Variants in ASH2L observed in about 807,000 individuals in gnomAD.
The protein encoded by ASH2L is ASH2 like, histone lysine methyltransferase complex subunit, also known as set1/Ash2 histone methyltransferase complex subunit ASH2.
In ASH2L, 30 loss-of-function variants were observed where a neutral mutation model predicts 81.1. The observed-to-expected ratio is 0.37, with a 90% CI of 0.28 to 0.50. ASH2L has a LOEUF of 0.50. Ranked by LOEUF, ASH2L falls within the 20% of genes least tolerant of loss-of-function variation. The probability of loss-of-function intolerance (pLI) is 0.95; values close to 1 mark genes in which losing one functional copy is unlikely to be tolerated. For synonymous variants in ASH2L, 273 were observed against 279.9 expected, an observed-to-expected ratio of 0.98 and a Z score of 0.24; for missense variants, 559 against 792.1, an observed-to-expected ratio of 0.71 and a Z score of 3.53.
chr8:38,126,130 G>A (rs1219955909), intron 10 of ASH2L, among the ~76,000 whole-genome samples: 1 of 151,792 alleles, frequency 6.6e-6, no homozygotes, highest in African/African-American at 2.4e-5. Flanking sequence ...TTGAACCCGG[G>A]AGCCAGAGGT....
intron 12 of ASH2L, among the ~76,000 whole-genome samples, chr8:38,132,445 T>C (rs900532390): frequency 6.6e-6 from 1 of 152,140 alleles, no homozygotes; most frequent in Admixed American, 6.5e-5. Context: ...AGACCACCTG[T>C]GGGAACAGAT....
At chr8:38,112,595 T>G (rs1204524086) in intron 5 of ASH2L, among the ~76,000 whole-genome samples, 1 of 152,144 alleles carries the variant, frequency 6.6e-6, no homozygotes, top group Non-Finnish European at 1.5e-5. Flanking sequence ...GAATATTACA[T>G]AAGTATTGTG....
rs554599589 is a variant in ASH2L, at chr8:38,109,959, G to A, written c.402-420G>A. ...AACGGATAAGGTCTTATTAACTTTC[G>A]TGACAGAAAAATCCAGGTATTTATA... On this transcript the variant is annotated intron_variant, in intron 3 of 15. Transcript: ENST00000343823. 2.0e-4 allele frequency among the ~76,000 whole-genome samples: 31 copies of A among 152,218 alleles called. No individual in the cohort carries two copies. The East Asian group carries it at 2.3e-3, about 11-fold the overall frequency.
chr8:38,139,339 C>G lies in ASH2L; in HGVS notation c.*268C>G. 1 of 327,058 alleles carries G rather than the reference C, an allele frequency of 3.1e-6. No individual in the cohort carries two copies. The highest frequency in any genetic ancestry group is 5.6e-6 in the Non-Finnish European group (1 of 178,636). 20.3% of individuals were successfully genotyped at this position (327,058 alleles called of 1,614,324 possible). On this transcript the variant is annotated 3_prime_UTR_variant, in exon 16 of 16. Transcript: ENST00000343823. ...AGCCCCCTGTGAAATCGGTGCTGTA[C>G]TGCATACCCTGCCAGCTGTGACTTG...
chr8:38,128,163 AAT>A, intron 10 of ASH2L, 126 bp from the exon 11 acceptor site: 1 of 1,109,932 alleles, frequency 9.0e-7, no homozygotes. Context: ...CTCCTCAACT[AAT>A]ATTTCAAACA....
intron 14 of ASH2L, among the ~76,000 whole-genome samples, 193 bp downstream of exon 14, chr8:38,135,959 C>T (rs765585605): frequency 1.3e-5 from 2 of 152,078 alleles, no homozygotes; most frequent in African/African-American, 2.4e-5. Flanking sequence ...AGAAAAAGGT[C>T]CTGCAGTTTG....
At chr8:38,136,102 A>ATTTT (rs772313591) in intron 14 of ASH2L, among the ~76,000 whole-genome samples, 14 of 97,862 alleles carry the variant, frequency 1.4e-4, no homozygotes, top group Non-Finnish European at 1.9e-4. Context: ...GCTTACAATG[A>ATTTT]TTTTTTTTTT....
At position 38,130,296 on chromosome 8, in the gene ASH2L, T is replaced by G. The variant is rs6982472; in HGVS notation, c.1527+1345T>G. Among the ~76,000 whole-genome samples the G allele has an allele frequency of 9.3e-3, 1,394 of 149,560 alleles. 35 individuals carry two copies. The highest frequency in any genetic ancestry group is 0.031 in the African/African-American group (1,247 of 40,716). ...CAGGTTTGGTATTTTTTGTTTTTTT[T>G]TTTTTTTCCATGTTGCCCAGGCTGG... On this transcript the variant is annotated intron_variant, in intron 12 of 15. Transcript: ENST00000343823.
At chr8:38,105,521 AT>A (rs1810376641), upstream of ASH2L, 1 of 1,522,578 alleles carries the variant, frequency 6.6e-7, no homozygotes, top group African/African-American at 1.4e-5. Context: ...AGAAGAGAGT[AT>A]TCTCGCGAGA....
intron 3 of ASH2L, among the ~76,000 whole-genome samples, 172 bp from the exon 4 acceptor site, chr8:38,110,207 G>A (rs1810626961): frequency 6.6e-6 from 1 of 152,112 alleles, no homozygotes; most frequent in South Asian, 2.1e-4. Context: ...CTACTTGGGG[G>A]GCTGAAGTGG....
In ASH2L at chr8:38,128,287, G is replaced by C. The variant is rs142578265; in HGVS notation, c.1166-4G>C. ...AGGCCTTCTTTTAATCTCTGTCACC[G>C]CAGCTCCCCAGTTAAAGATCTCAGA... On this transcript the variant is annotated splice_polypyrimidine_tract_variant and splice_region_variant and intron_variant, in intron 10 of 15. Coordinates refer to ENST00000343823, the MANE Select transcript of ASH2L (RefSeq NM_004674.5). The C allele has an allele frequency of 1.2e-6, 2 of 1,613,830 alleles. No individual in the cohort carries two copies. Among genetic ancestry groups the C allele is most frequent in the African/African-American group, 1.3e-5 (1 of 74,878 alleles).
intron 2 of ASH2L, among the ~76,000 whole-genome samples, chr8:38,106,806 C>T (rs1810454072): frequency 6.6e-6 from 1 of 151,770 alleles, no homozygotes. Flanking sequence ...CCACCGCGCC[C>T]GGCCTTGTTT....
chr8:38,111,456 C>T (rs558640248), intron 5 of ASH2L, among the ~76,000 whole-genome samples: 17 of 151,908 alleles, frequency 1.1e-4, no homozygotes, highest in Admixed American at 3.9e-4. Flanking sequence ...GACACCATCA[C>T]GGCTCACCGA....
intron 8 of ASH2L, among the ~76,000 whole-genome samples, chr8:38,118,286 G>T (rs1173539416): frequency 6.6e-6 from 1 of 152,256 alleles, no homozygotes; most frequent in South Asian, 2.1e-4. Flanking sequence ...TCCCAAGCTT[G>T]CCCCAAATTA....
rs745746046 is a variant in ASH2L at position 38,107,863 on chromosome 8, CATAT to C, written c.401+700_401+703del. 5.2e-5 allele frequency among the ~76,000 whole-genome samples: 6 copies of C among 115,598 alleles called. No individual in the cohort carries two copies. The East Asian group carries it at 7.0e-4, about 13-fold the overall frequency. 75.8% of individuals were successfully genotyped at this position (115,598 alleles called of 152,430 possible). A position where few individuals can be genotyped will look rare whatever the true frequency, so the allele number is the denominator to read the frequency against. On this transcript the variant is annotated intron_variant, in intron 3 of 15. Coordinates refer to ENST00000343823, the MANE Select transcript of ASH2L (RefSeq NM_004674.5). ...CCTTGGGTGAGATTGTGAAGAAATA[CATAT>C]ATGTGTGTGTGTGTGTGTGTGTGTG...
Position 38,138,849 on chromosome 8 carries a change from C to T in ASH2L, c.1753C>T (p.Pro585Ser). ...SINFGPCFKY[P>S]PKDLTYRPMS... ...TAACTTTGGACCATGCTTCAAGTAT[C>T]CTCCGAAGGATCTCACTTACCGCCC... Residue 585 changes from proline (P) to serine (S), a missense_variant, in exon 15 of 16, where the codon CCT becomes TCT. Coordinates refer to ENST00000343823, the MANE Select transcript of ASH2L (RefSeq NM_004674.5). The T allele has an allele frequency of 1.2e-6, 2 of 1,614,160 alleles. No homozygotes were observed. Among genetic ancestry groups the T allele is most frequent in the Non-Finnish European group, 8.5e-7 (1 of 1,180,026 alleles).
At chr8:38,121,813 G>C (rs1801641491) in intron 10 of ASH2L, among the ~76,000 whole-genome samples, 1 of 152,198 alleles carries the variant, frequency 6.6e-6, no homozygotes, top group Non-Finnish European at 1.5e-5. Context: ...CATGATGTCA[G>C]TAGGTCTTAT....
chr8:38,110,502 A>G, intron 4 of ASH2L, 35 bp downstream of exon 4: 5 of 1,575,394 alleles, frequency 3.2e-6, no homozygotes, highest in Non-Finnish European at 4.4e-6. Flanking sequence ...GAAGATGATT[A>G]TCCACTGGAA....
intron 5 of ASH2L, among the ~76,000 whole-genome samples, chr8:38,111,311 C>T (rs1385530281): frequency 6.6e-6 from 1 of 152,194 alleles, no homozygotes; most frequent in African/African-American, 2.4e-5. Context: ...GCAGCCTTGA[C>T]CTCCTGGGCT....
Sources: gnomAD v4.1 joint callset for allele counts (sites outside exome capture counted in the v4.1 genomes callset) on GRCh38, gnomAD v4.1.1 for gene constraint, MANE v1.5 for transcripts, NCBI Gene and HGNC (gene_info 2026-07-23, HGNC 2026-07-21) for gene names.